The following ASAP2 variants were observed in gnomAD, a reference collection of about 807,000 sequenced individuals.
The protein encoded by ASAP2 is arf-GAP with SH3 domain, ANK repeat and PH domain-containing protein 2.
A neutral mutation model predicts 131.4 loss-of-function variants in ASAP2; 45 were observed. That is an observed-to-expected ratio of 0.34 (90% CI 0.27 to 0.44). The LOEUF (loss-of-function observed/expected upper bound fraction) is 0.44, where lower values mean the gene tolerates loss of function less well. Among genes scored for constraint, ASAP2 ranks in the 20% least tolerant of loss-of-function variants. The pLI, the probability that ASAP2 is intolerant of heterozygous loss-of-function variation, is 1.00. For missense variants in ASAP2, 1,011 were observed against 1,297.0 expected, an observed-to-expected ratio of 0.78 and a Z score of 3.39; for synonymous variants, 510 against 503.0, an observed-to-expected ratio of 1.01 and a Z score of -0.19.
chr2:9,397,727 G>GATATATATATATATAT (rs200560260), intron 24 of ASAP2, among the ~76,000 whole-genome samples: 6 of 83,520 alleles, frequency 7.2e-5, no homozygotes, highest in African/African-American at 4.6e-4. Context: ...AAATCAAAAG[G>GATATATATATATATAT]ATATATATAT....
intron 9 of ASAP2, 78 bp downstream of exon 9, chr2:9,335,257 A>G (rs1232606352): frequency 3.8e-6 from 5 of 1,322,250 alleles, no homozygotes; most frequent in Non-Finnish European, 5.4e-6. Context: ...CATGAAGTTC[A>G]TGTCTTCTAG....
At chr2:9,223,532 G>T (rs939320133) in intron 1 of ASAP2, among the ~76,000 whole-genome samples, 1 of 152,156 alleles carries the variant, frequency 6.6e-6, no homozygotes, top group Non-Finnish European at 1.5e-5. Flanking sequence ...CAGCAAATGT[G>T]TATTTCAGAA....
chr2:9,240,663 T>TC (rs1663898398), intron 1 of ASAP2, among the ~76,000 whole-genome samples: 1 of 152,196 alleles, frequency 6.6e-6, no homozygotes, highest in South Asian at 2.1e-4. Context: ...TTTTTCTTCT[T>TC]TACCATTTCA....
chr2:9,231,157 A>G (rs1663133423), intron 1 of ASAP2, among the ~76,000 whole-genome samples: 1 of 152,178 alleles, frequency 6.6e-6, no homozygotes, highest in African/African-American at 2.4e-5. Context: ...GGGGAAAGGC[A>G]GTGGCTGGGT....
chr2:9,342,818 C>T (rs1342453932), intron 9 of ASAP2, among the ~76,000 whole-genome samples: 1 of 152,242 alleles, frequency 6.6e-6, no homozygotes, highest in African/African-American at 2.4e-5. Context: ...TGTCTAGCTT[C>T]CCTGGGTGCT....
chr2:9,297,213 T>C, intron 2 of ASAP2, 87 bp from the exon 3 acceptor site: 1 of 1,521,572 alleles, frequency 6.6e-7, no homozygotes, highest in Non-Finnish European at 9.0e-7. Context: ...GCTGATGTGT[T>C]CAGTGTTATT....
In ASAP2 at chr2:9,280,445, C is replaced by T. The variant is rs1001302818; in HGVS notation, c.199+1056C>T. On this transcript the variant is annotated intron_variant, in intron 2 of 27. Coordinates refer to ENST00000281419, the MANE Select transcript of ASAP2 (RefSeq NM_003887.3). Reference sequence around the variant, plus strand: ...CCATGAGAGCTGTGCAAGCCACAATCGGGAAGAATCTAGCAGGAAATCCCA... The same window carrying T: ...CCATGAGAGCTGTGCAAGCCACAATTGGGAAGAATCTAGCAGGAAATCCCA... 2.0e-5 allele frequency among the ~76,000 whole-genome samples: 3 copies of T among 151,862 alleles called. No homozygotes were observed. The East Asian group carries it at 5.8e-4, about 29-fold the overall frequency.
intron 7 of ASAP2, among the ~76,000 whole-genome samples, 175 bp downstream of exon 7, chr2:9,328,086 A>G (rs1324568722): frequency 1.3e-5 from 2 of 152,224 alleles, no homozygotes; most frequent in Admixed American, 6.5e-5. Context: ...CAATGAAGGA[A>G]GCCAGACACA....
rs562015355 is a variant in ASAP2 at position 9,338,247 on chromosome 2, GAA to G, written c.849+3070_849+3071del. On this transcript the variant is annotated intron_variant, in intron 9 of 27. Transcript: ENST00000281419. ...GCATGGTCTCACAGGTCTGAGTGCT[GAA>G]ACCACCATGGTTTTCCACTCTGCAG... is the stretch of plus-strand genomic sequence containing the variant. Among the ~76,000 whole-genome samples, 528 of 152,112 alleles carry G rather than the reference GAA, an allele frequency of 3.5e-3. 2 individuals are homozygous for G. Among genetic ancestry groups the G allele is most frequent in the African/African-American group, 0.012 (496 of 41,492 alleles).
chr2:9,346,144 A>G (rs1303738791), intron 11 of ASAP2, among the ~76,000 whole-genome samples: 1 of 152,122 alleles, frequency 6.6e-6, no homozygotes, highest in Non-Finnish European at 1.5e-5. Flanking sequence ...ATGGGACATT[A>G]TGGGCAGGTG....
intron 1 of ASAP2, among the ~76,000 whole-genome samples, chr2:9,255,894 T>G (rs1246445799): frequency 6.6e-6 from 1 of 152,142 alleles, no homozygotes. Flanking sequence ...ATCGTCTGAT[T>G]TATTTGTATG....
intron 1 of ASAP2, among the ~76,000 whole-genome samples, chr2:9,224,942 T>C (rs1346219515): frequency 1.3e-5 from 2 of 151,964 alleles, no homozygotes; most frequent in Admixed American, 1.3e-4. Flanking sequence ...TTCTGTAGAG[T>C]GGGAGTCTCA....
Position 9,327,758 on chromosome 2 carries a change from C to T in ASAP2, c.601-68C>T, listed in dbSNP as rs1670572298. ...AAGAAGTAGAAGAAATCATCTCAGT[C>T]CTCAGAAGCTCCTTTTAAACTCGTA... is the stretch of plus-strand genomic sequence containing the variant. On this transcript the variant is annotated intron_variant, in intron 6 of 27. Coordinates refer to ENST00000281419, the MANE Select transcript of ASAP2 (RefSeq NM_003887.3). 6.0e-6 allele frequency: 7 copies of T among 1,167,960 alleles called. 1 individual carries two copies. The Admixed American group carries it at 7.1e-5, about 12-fold the overall frequency. The allele number at this position is 1,167,960 out of a possible 1,614,324, so 72.3% of individuals were successfully genotyped here.
At chr2:9,400,204 TCCCCTCCTGCCCCCTCCCCTCCTGCCCCC>T (rs1676510797) in intron 25 of ASAP2, 132 bp downstream of exon 25, 2 of 782,332 alleles carry the variant, frequency 2.6e-6, no homozygotes, top group Admixed American at 2.8e-5. Context: ...TCCTGCCCCC[TCCCCTCCTGCCCCCTCCCCTCCTGCCCCC>T]TCCCCTCCTG....
chr2:9,368,573 G>A lies in ASAP2; in HGVS notation c.1556+54G>A, dbSNP rs1443610008. ...GCTGAGTAAAGGTTTGCCTTTGCCC[G>A]AGCCCCGGGAGGCAGGGGAATAAGA... On this transcript the variant is annotated intron_variant, in intron 16 of 27. Coordinates refer to ENST00000281419, the MANE Select transcript of ASAP2 (RefSeq NM_003887.3). The A allele has an allele frequency of 4.0e-6, 6 of 1,487,256 alleles. No individual in the cohort carries two copies. In the Admixed American group the frequency reaches 6.7e-5, roughly 17 times the overall value. 92.1% of individuals were successfully genotyped at this position (1,487,256 alleles called of 1,614,324 possible).
Position 9,376,968 on chromosome 2 carries a change from A to G in ASAP2, c.1807A>G (p.Ile603Val), listed in dbSNP as rs745428651. 6.2e-7 allele frequency: 1 copy of G among 1,614,004 alleles called. No individual in the cohort carries two copies. Among genetic ancestry groups the G allele is most frequent in the Admixed American group, 1.7e-5 (1 of 60,026 alleles). ...VRSVDRTSLHIVDFLVQNSGN... is the reference protein window; with the variant it reads ...VRSVDRTSLHVVDFLVQNSGN... ...ATCCGTGGATCGAACCTCTCTTCAC[A>G]TTGTAGACTTTTTAGTTCAGAACAG... The change falls in exon 18 of 28, where the codon ATT becomes GTT. Residue 603 changes from isoleucine to valine, a missense_variant. Ile to Val is a conservative substitution (Grantham distance 29). Around this residue, in one of 2 missense-constraint regions of ASAP2, gnomAD observed 652 missense variants for 698.9 expected, o/e 0.93. Transcript: ENST00000281419.
rs556356873 is a variant in ASAP2 at position 9,402,331 on chromosome 2, G to C, written c.2947-922G>C. ...CCTGTGGCCTCGTTTGCCCTTAATG[G>C]ATTGAAAGTGTCTGTGGCCTGGGCG... On this transcript the variant is annotated intron_variant, in intron 27 of 27. Transcript: ENST00000281419. Among the ~76,000 whole-genome samples, 22 of 152,308 alleles carry C rather than the reference G, an allele frequency of 1.4e-4. No individual in the cohort carries two copies. In the South Asian group the frequency reaches 4.6e-3, roughly 32 times the overall value.
chr2:9,378,918 C>G (rs1674613058), intron 18 of ASAP2, 26 bp from the exon 19 acceptor site: 1 of 1,400,580 alleles, frequency 7.1e-7, no homozygotes. Context: ...ACACTATGCT[C>G]TCTCTCTGTT....
At chr2:9,277,937 C>T (rs1165744162) in intron 1 of ASAP2, among the ~76,000 whole-genome samples, 4 of 152,170 alleles carry the variant, frequency 2.6e-5, no homozygotes, top group East Asian at 1.9e-4. Context: ...CCAGGGCTTA[C>T]GATTCTGCTA....
Sources: allele counts gnomAD v4.1 joint callset (sites outside exome capture counted in the v4.1 genomes callset), GRCh38; gene constraint gnomAD v4.1.1; regional missense constraint gnomAD v4.1.1; transcripts MANE v1.5; gene names NCBI Gene and HGNC (gene_info 2026-07-23, HGNC 2026-07-21).